ZC3H6: variants seen among roughly 807,000 people sequenced by gnomAD.
The protein encoded by ZC3H6 is zinc finger CCCH-type containing 6.
A neutral mutation model predicts 107.7 loss-of-function variants in ZC3H6; 40 were observed. That is an observed-to-expected ratio of 0.37 (90% CI 0.29 to 0.48). ZC3H6 has a LOEUF of 0.48. ZC3H6 is among the 20% of genes least tolerant of loss of function. The pLI is 0.98. For missense variants in ZC3H6, 1,267 were observed against 1,410.4 expected (o/e 0.90, Z 1.63); for synonymous variants, 493 against 487.9 (o/e 1.01, Z -0.14).
Position 112,339,980 on chromosome 2 carries a change from A to G in ZC3H6, c.*7492A>G, listed in dbSNP as rs1677213586. On this transcript the variant is annotated 3_prime_UTR_variant, in exon 12 of 12. Transcript: ENST00000409871. ...TTTACTAATAAATTTTCCAAGTTGC[A>G]TACTGTTGTTGCAAGTTTCTGTAAT... 6.6e-6 allele frequency: 1 copy of G among 152,218 alleles called. No individual in the cohort carries two copies. Among genetic ancestry groups the G allele is most frequent in the Non-Finnish European group, 1.5e-5 (1 of 68,030 alleles). 9.4% of individuals were successfully genotyped at this position (152,218 alleles called of 1,614,324 possible). A position where few individuals can be genotyped will look rare whatever the true frequency, so the allele number is the denominator to read the frequency against.
At chr2:112,323,661 G>A (rs886903023) in intron 9 of ZC3H6, among the ~76,000 whole-genome samples, 1 of 152,064 alleles carries the variant, frequency 6.6e-6, no homozygotes, top group Non-Finnish European at 1.5e-5. Context: ...AAAACTATTG[G>A]AAATAATAAT....
chr2:112,276,971 A>G (rs1256994632), intron 1 of ZC3H6, among the ~76,000 whole-genome samples: 2 of 152,152 alleles, frequency 1.3e-5, no homozygotes, highest in Admixed American at 6.5e-5. Flanking sequence ...AAGAAAAAAT[A>G]TACGTTTTAC....
At chr2:112,288,079 C>T (rs1410687965) in intron 1 of ZC3H6, among the ~76,000 whole-genome samples, 2 of 152,184 alleles carry the variant, frequency 1.3e-5, no homozygotes, top group African/African-American at 4.8e-5. Flanking sequence ...TTTATTGTTG[C>T]CTTGGGGAGA....
In ZC3H6 at chr2:112,331,131, G is replaced by A; in HGVS notation, c.2213G>A (p.Ser738Asn). ...CAGCAACAACCTTCCACAGAACTCA[G>A]CACTCCTACTGATCCAAGACTTGCT... is the stretch of plus-strand genomic sequence containing the variant. ...RNQQQPSTEL[S>N]TPTDPRLAKE... The change falls in exon 12 of 12, where the codon AGC becomes AAC. Residue 738 changes from serine (S) to asparagine (N), a missense_variant. Coordinates refer to ENST00000409871, the MANE Select transcript of ZC3H6 (RefSeq NM_198581.3). The A allele has an allele frequency of 6.2e-7, 1 of 1,613,636 alleles. No individual in the cohort carries two copies. The highest frequency in any genetic ancestry group is 8.5e-7 in the Non-Finnish European group (1 of 1,179,750).
chr2:112,325,903 T>G (rs1676898433), intron 11 of ZC3H6, among the ~76,000 whole-genome samples: 1 of 152,164 alleles, frequency 6.6e-6, no homozygotes, highest in African/African-American at 2.4e-5. Context: ...GTTAATTCAG[T>G]AAAGGATGAG....
chr2:112,295,766 A>AT (rs1329681475), intron 1 of ZC3H6, among the ~76,000 whole-genome samples: 5 of 152,230 alleles, frequency 3.3e-5, no homozygotes, highest in Non-Finnish European at 5.9e-5. Context: ...ACTAAAAAAA[A>AT]TTTTAAAAGC....
At chr2:112,287,119 C>T (rs1686623801) in intron 1 of ZC3H6, among the ~76,000 whole-genome samples, 2 of 151,804 alleles carry the variant, frequency 1.3e-5, no homozygotes, top group African/African-American at 2.4e-5. Flanking sequence ...AAAGTATCAA[C>T]TTTTTAAACT....
intron 11 of ZC3H6, among the ~76,000 whole-genome samples, chr2:112,326,812 T>C (rs971584347): frequency 6.6e-6 from 1 of 151,934 alleles, no homozygotes; most frequent in South Asian, 2.1e-4. Context: ...GGGGTTTCAC[T>C]GTGTTGGCCA....
At chr2:112,289,481 C>T (rs1264253786) in intron 1 of ZC3H6, among the ~76,000 whole-genome samples, 4 of 151,734 alleles carry the variant, frequency 2.6e-5, no homozygotes, top group Middle Eastern at 3.5e-3. Context: ...CCCGCAACCA[C>T]GCCCAGCTGA....
intron 5 of ZC3H6, among the ~76,000 whole-genome samples, chr2:112,313,066 C>T (rs1676622284): frequency 1.3e-5 from 2 of 152,104 alleles, no homozygotes; most frequent in Admixed American, 6.5e-5. Context: ...AATAAATTTG[C>T]GAAACCCAGC....
intron 8 of ZC3H6, among the ~76,000 whole-genome samples, chr2:112,322,111 T>TCTTCCCTC (rs554957986): frequency 4.6e-4 from 67 of 144,222 alleles, no homozygotes; most frequent in East Asian, 1.5e-3. Flanking sequence ...CTCCTTCCCG[T>TCTTCCCTC]CTTCCCTCCT....
intron 3 of ZC3H6, among the ~76,000 whole-genome samples, chr2:112,309,083 C>G (rs1676545896): frequency 6.6e-6 from 1 of 151,936 alleles, no homozygotes; most frequent in Non-Finnish European, 1.5e-5. Context: ...ATAAAATGCA[C>G]TAAGCTAAAG....
intron 3 of ZC3H6, among the ~76,000 whole-genome samples, chr2:112,308,932 A>G (rs1362611994): frequency 2.0e-5 from 3 of 151,798 alleles, no homozygotes; most frequent in Non-Finnish European, 2.9e-5. Flanking sequence ...CGCGCCTGTA[A>G]TCCCAGCTAC....
chr2:112,286,415 A>T (rs980350243), intron 1 of ZC3H6: 1 of 161,720 alleles, frequency 6.2e-6, no homozygotes, highest in African/African-American at 2.4e-5. Flanking sequence ...ATACTTTGGG[A>T]ACGACATCTT....
At position 112,336,550 on chromosome 2, in the gene ZC3H6, C is replaced by G. The variant is rs927588989; in HGVS notation, c.*4062C>G. ...TATATAACCAAACGGCCTAAGAGTT[C>G]AAAGCTATTTTCTTAGGTGTTACAC... On this transcript the variant is annotated 3_prime_UTR_variant, in exon 12 of 12. Coordinates refer to ENST00000409871, the MANE Select transcript of ZC3H6 (RefSeq NM_198581.3). The G allele has an allele frequency of 6.6e-6, 1 of 152,108 alleles. No individual in the cohort carries two copies. Among genetic ancestry groups the G allele is most frequent in the Non-Finnish European group, 1.5e-5 (1 of 68,024 alleles). 9.4% of individuals were successfully genotyped at this position (152,108 alleles called of 1,614,324 possible).
At chr2:112,297,758 ACTAT>A (rs1676270636) in intron 1 of ZC3H6, among the ~76,000 whole-genome samples, 1 of 152,058 alleles carries the variant, frequency 6.6e-6, no homozygotes, top group Admixed American at 6.5e-5. Context: ...GAGTTTTGTT[ACTAT>A]CTGTGTATGA....
chr2:112,291,179 C>G (rs1194047357), intron 1 of ZC3H6, among the ~76,000 whole-genome samples: 2 of 152,142 alleles, frequency 1.3e-5, no homozygotes. Context: ...ATCTTAATCT[C>G]TAGAATTTTA....
intron 11 of ZC3H6, among the ~76,000 whole-genome samples, chr2:112,328,110 TC>T (rs1306420393): frequency 6.6e-6 from 1 of 152,176 alleles, no homozygotes; most frequent in African/African-American, 2.4e-5. Context: ...CAGGTTGGTC[TC>T]AAATGCCTGG....
chr2:112,317,198 C>CTTTTTTTT lies in ZC3H6; in HGVS notation c.865-16_865-9dup, dbSNP rs564035069. ...TGTTTCTTACCTTTTTTTCTTTTTT[C>CTTTTTTTT]TTTTTTTTTTTTTTGTGAATAGGGA... On this transcript the variant is annotated intron_variant, in intron 6 of 11. Coordinates refer to ENST00000409871, the MANE Select transcript of ZC3H6 (RefSeq NM_198581.3). 548 of 1,027,506 alleles carry CTTTTTTTT rather than the reference C, an allele frequency of 5.3e-4. 1 individual carries two copies. Among genetic ancestry groups the CTTTTTTTT allele is most frequent in the South Asian group, 2.5e-3 (111 of 44,262 alleles). 63.6% of individuals were successfully genotyped at this position (1,027,506 alleles called of 1,614,324 possible).
Sources: allele counts gnomAD v4.1 joint callset (sites outside exome capture counted in the v4.1 genomes callset), GRCh38; gene constraint gnomAD v4.1.1; transcripts MANE v1.5; gene names NCBI Gene and HGNC (gene_info 2026-07-23, HGNC 2026-07-21).